RPS6KC1: variants seen among roughly 807,000 people sequenced by gnomAD.
The protein encoded by RPS6KC1 is inactive ribosomal protein S6 kinase delta-1.
RPS6KC1 carries 54 observed loss-of-function variants against 103.8 expected under a neutral mutation model. The ratio of observed to expected loss-of-function variants is 0.52; its 90% CI spans 0.42 to 0.65. RPS6KC1 has a LOEUF of 0.65. RPS6KC1 is among the 30% of genes least tolerant of loss of function. RPS6KC1 has a pLI of 0.00. For synonymous variants in RPS6KC1, 439 were observed against 438.7 expected (o/e 1.00, Z -0.01); for missense variants, 1,151 against 1,253.8 (o/e 0.92, Z 1.24).
intron 8 of RPS6KC1, among the ~76,000 whole-genome samples, chr1:213,219,798 A>G (rs897662672): frequency 2.7e-5 from 4 of 146,440 alleles, no homozygotes; most frequent in African/African-American, 1.0e-4. Flanking sequence ...CATAGGTCGA[A>G]TTGAACAATG....
At chr1:213,132,466 T>TGTCAAAACAGG (rs1235869758) in intron 6 of RPS6KC1, among the ~76,000 whole-genome samples, 1 of 152,214 alleles carries the variant, frequency 6.6e-6, no homozygotes, top group East Asian at 1.9e-4. Flanking sequence ...TTTGACCCTG[T>TGTCAAAACAGG]GTCAAATGTA....
the RPS6KC1 span, among the ~76,000 whole-genome samples, chr1:213,802,860 T>A: frequency 2.0e-5 from 3 of 152,266 alleles, no homozygotes; most frequent in East Asian, 5.8e-4. Context: ...ACACTCAGTA[T>A]CTAGTGAAAG....
chr1:213,543,394 A>T, the RPS6KC1 span, among the ~76,000 whole-genome samples: 1 of 152,176 alleles, frequency 6.6e-6, no homozygotes, highest in East Asian at 1.9e-4. Flanking sequence ...AAGACAGAAG[A>T]CAGGGCAGGA....
chr1:213,651,003 G>T, the RPS6KC1 span, among the ~76,000 whole-genome samples: 2 of 151,834 alleles, frequency 1.3e-5, no homozygotes, highest in African/African-American at 2.4e-5. Flanking sequence ...GAGGTGGGGA[G>T]AAAGGGAGAG....
the RPS6KC1 span, among the ~76,000 whole-genome samples, chr1:213,493,770 C>T: frequency 6.6e-6 from 1 of 152,174 alleles, no homozygotes; most frequent in Non-Finnish European, 1.5e-5. Flanking sequence ...GGAGGAGGCA[C>T]ATTGTATTTG....
At chr1:213,794,765 C>A in the RPS6KC1 span, among the ~76,000 whole-genome samples, 1 of 152,142 alleles carries the variant, frequency 6.6e-6, no homozygotes, top group African/African-American at 2.4e-5. Context: ...GCTCTATAAG[C>A]CCCAAAGTGC....
chr1:213,710,709 G>A, the RPS6KC1 span, among the ~76,000 whole-genome samples: 3 of 152,104 alleles, frequency 2.0e-5, no homozygotes, highest in Non-Finnish European at 4.4e-5. Context: ...AGGCAGGCCT[G>A]GTGGTGACAA....
chr1:213,689,632 A>T, the RPS6KC1 span, among the ~76,000 whole-genome samples: 141 of 152,318 alleles, frequency 9.3e-4, no homozygotes, highest in African/African-American at 3.1e-3. Context: ...GGCAAGCTCA[A>T]ACTTCTCAGA....
chr1:213,412,573 T>G, the RPS6KC1 span, among the ~76,000 whole-genome samples: 9 of 152,218 alleles, frequency 5.9e-5, no homozygotes, highest in Non-Finnish European at 1.2e-4. Flanking sequence ...GGGGCAGATG[T>G]GCCCTGCCTG....
At chr1:213,803,436 G>A in the RPS6KC1 span, among the ~76,000 whole-genome samples, 3 of 151,918 alleles carry the variant, frequency 2.0e-5, no homozygotes, top group Admixed American at 2.0e-4. Flanking sequence ...TAGTAGAGAT[G>A]GGGTTTCACT....
the RPS6KC1 span, among the ~76,000 whole-genome samples, chr1:213,485,040 A>G: frequency 4.6e-5 from 7 of 151,876 alleles, no homozygotes; most frequent in Non-Finnish European, 1.0e-4. Flanking sequence ...TTTGTTTTTT[A>G]TTTTTTGTAG....
the RPS6KC1 span, among the ~76,000 whole-genome samples, chr1:213,635,632 G>A: frequency 1.3e-5 from 2 of 152,096 alleles, no homozygotes; most frequent in Admixed American, 6.6e-5. Flanking sequence ...AATAATAAGA[G>A]CTCTTTATGG....
chr1:213,451,758 C>T, the RPS6KC1 span, among the ~76,000 whole-genome samples: 3 of 152,198 alleles, frequency 2.0e-5, no homozygotes, highest in Non-Finnish European at 2.9e-5. Flanking sequence ...TTCTCTCTAA[C>T]GTGAACCATG....
chr1:213,409,827 C>T, the RPS6KC1 span, among the ~76,000 whole-genome samples: 1 of 152,118 alleles, frequency 6.6e-6, no homozygotes, highest in Admixed American at 6.5e-5. Flanking sequence ...TATAAGCCAA[C>T]AGGGAAAGAC....
At chr1:213,702,376 G>T in the RPS6KC1 span, among the ~76,000 whole-genome samples, 1 of 151,954 alleles carries the variant, frequency 6.6e-6, no homozygotes, top group East Asian at 1.9e-4. Flanking sequence ...CTAAGGAAAA[G>T]AATTTATATT....
intron 8 of RPS6KC1, among the ~76,000 whole-genome samples, chr1:213,223,016 A>C (rs867563317): frequency 8.5e-5 from 13 of 152,196 alleles, no homozygotes; most frequent in Non-Finnish European, 1.3e-4. Flanking sequence ...TTATTTGCAA[A>C]ATCGGTCTAG....
the RPS6KC1 span, among the ~76,000 whole-genome samples, chr1:213,690,998 CAA>C: frequency 4.5e-3 from 692 of 152,186 alleles, 7 homozygotes; most frequent in African/African-American, 0.016. Context: ...ATCAGAACAG[CAA>C]GAGAGAGTGT....
At chr1:213,787,876 G>A in the RPS6KC1 span, among the ~76,000 whole-genome samples, 1 of 152,136 alleles carries the variant, frequency 6.6e-6, no homozygotes, top group Non-Finnish European at 1.5e-5. Flanking sequence ...CCAAGCTGTG[G>A]GGTGGAACTG....
At chr1:213,289,405 G>T in the RPS6KC1 span, among the ~76,000 whole-genome samples, 2 of 152,098 alleles carry the variant, frequency 1.3e-5, no homozygotes, top group Non-Finnish European at 2.9e-5. Flanking sequence ...TGCCTGGCAT[G>T]GTGGGAAATC....
Sources: gnomAD v4.1 joint callset for allele counts (sites outside exome capture counted in the v4.1 genomes callset) on GRCh38, gnomAD v4.1.1 for gene constraint, MANE v1.5 for transcripts, NCBI Gene and HGNC (gene_info 2026-07-23, HGNC 2026-07-21) for gene names.